Variants in SLC9A2 observed in about 807,000 individuals in gnomAD.
SLC9A2 encodes the protein sodium/hydrogen exchanger 2.
SLC9A2 carries 42 observed loss-of-function variants against 71.7 expected under a neutral mutation model. The observed-to-expected ratio is 0.59, with a 90% CI of 0.46 to 0.76. The LOEUF (loss-of-function observed/expected upper bound fraction) is 0.76. Ranked by LOEUF, SLC9A2 falls within the 30% of genes least tolerant of loss-of-function variation. The pLI is 0.00. For synonymous variants in SLC9A2, 396 were observed against 392.5 expected (o/e 1.01, Z -0.10); for missense variants, 829 against 1,017.4 (o/e 0.81, Z 2.52).
chr2:102,645,594 AAAG>A (rs137856815), intron 1 of SLC9A2, among the ~76,000 whole-genome samples: 11,058 of 152,128 alleles, frequency 0.073, 559 homozygotes, highest in Middle Eastern at 0.14. Flanking sequence ...TAACCAGTTT[AAAG>A]AAGAACATAA....
chr2:102,704,715 A>G lies in SLC9A2; in HGVS notation c.1977+40A>G, dbSNP rs747735700. On this transcript the variant is annotated intron_variant, in intron 10 of 11. Coordinates refer to ENST00000233969, the MANE Select transcript of SLC9A2 (RefSeq NM_003048.6). ...GCCTCTAGGAGACTTCCAGGGGTGG[A>G]GCCGACAGCTATTCCATTGATCAGC... The G allele has an allele frequency of 1.3e-5, 21 of 1,592,728 alleles. No homozygotes were observed. In the South Asian group the frequency reaches 2.2e-4, roughly 17 times the overall value.
At chr2:102,623,997 G>A (rs774027829) in intron 1 of SLC9A2, among the ~76,000 whole-genome samples, 2 of 152,092 alleles carry the variant, frequency 1.3e-5, no homozygotes, top group African/African-American at 2.4e-5. Context: ...TTTTGGCAAA[G>A]CATTGAATGA....
At chr2:102,639,769 T>C (rs902555039) in intron 1 of SLC9A2, among the ~76,000 whole-genome samples, 3 of 152,200 alleles carry the variant, frequency 2.0e-5, no homozygotes, top group Non-Finnish European at 4.4e-5. Flanking sequence ...AATTTGTCCA[T>C]TCTAGGTACC....
At chr2:102,622,754 T>G (rs990281219) in intron 1 of SLC9A2, among the ~76,000 whole-genome samples, 5 of 152,208 alleles carry the variant, frequency 3.3e-5, no homozygotes, top group Admixed American at 2.6e-4. Flanking sequence ...CCATCCATAC[T>G]ATCATCATTA....
chr2:102,706,944 A>G (rs770470159), intron 11 of SLC9A2, among the ~76,000 whole-genome samples: 3 of 152,260 alleles, frequency 2.0e-5, no homozygotes, highest in Admixed American at 2.0e-4. Flanking sequence ...GAACTATATT[A>G]GGATTTCATG....
chr2:102,642,171 G>T (rs963874351), intron 1 of SLC9A2, among the ~76,000 whole-genome samples: 1 of 152,106 alleles, frequency 6.6e-6, no homozygotes, highest in Non-Finnish European at 1.5e-5. Context: ...CATAATGTAC[G>T]TGGTTTCCAC....
intron 10 of SLC9A2, among the ~76,000 whole-genome samples, 169 bp downstream of exon 10, chr2:102,704,844 T>C (rs1677943778): frequency 6.6e-6 from 1 of 152,146 alleles, no homozygotes; most frequent in Non-Finnish European, 1.5e-5. Flanking sequence ...ACAGGTATTG[T>C]GGCCAGCATT....
chr2:102,689,957 A>G (rs963679922), intron 5 of SLC9A2, among the ~76,000 whole-genome samples: 1 of 152,168 alleles, frequency 6.6e-6, no homozygotes, highest in African/African-American at 2.4e-5. Context: ...ATATACACAC[A>G]TATATATGAG....
chr2:102,670,586 C>T (rs1317322408), intron 3 of SLC9A2, among the ~76,000 whole-genome samples: 3 of 132,244 alleles, frequency 2.3e-5, no homozygotes, highest in Non-Finnish European at 4.7e-5. Flanking sequence ...TGTGCAATAT[C>T]CCCTCCCCCC....
intron 3 of SLC9A2, among the ~76,000 whole-genome samples, chr2:102,669,253 T>C (rs1469848958): frequency 6.6e-6 from 1 of 152,184 alleles, no homozygotes; most frequent in Non-Finnish European, 1.5e-5. Flanking sequence ...TGGTTTCCCC[T>C]TTGTGGCCCT....
intron 1 of SLC9A2, among the ~76,000 whole-genome samples, 178 bp downstream of exon 1, chr2:102,620,315 G>C: frequency 6.6e-6 from 1 of 152,196 alleles, no homozygotes; most frequent in East Asian, 1.9e-4. Flanking sequence ...GCAGTTTCGC[G>C]TTTTGGTTCT....
intron 5 of SLC9A2, among the ~76,000 whole-genome samples, chr2:102,690,866 C>T (rs1405698556): frequency 6.6e-6 from 1 of 151,610 alleles, no homozygotes; most frequent in Non-Finnish European, 1.5e-5. Flanking sequence ...CTGGAAATTA[C>T]CTGATAATCA....
At chr2:102,680,752 G>C (rs1031209321) in intron 3 of SLC9A2, among the ~76,000 whole-genome samples, 2 of 152,174 alleles carry the variant, frequency 1.3e-5, no homozygotes, top group Non-Finnish European at 2.9e-5. Context: ...TTGTGGATGT[G>C]ATTAGGTGAA....
intron 1 of SLC9A2, among the ~76,000 whole-genome samples, chr2:102,638,547 C>T (rs186830388): frequency 3.9e-5 from 6 of 152,310 alleles, no homozygotes; most frequent in South Asian, 4.1e-4. Context: ...ATGAGTTCAT[C>T]GTCTGTGAAA....
chr2:102,624,583 T>G (rs1676208763), intron 1 of SLC9A2, among the ~76,000 whole-genome samples: 1 of 152,214 alleles, frequency 6.6e-6, no homozygotes, highest in East Asian at 1.9e-4. Flanking sequence ...CCTTGCTGTG[T>G]AAAGTAACAG....
intron 7 of SLC9A2, 35 bp downstream of exon 7, chr2:102,695,148 G>T (rs572863668): frequency 7.6e-6 from 11 of 1,450,166 alleles, no homozygotes; most frequent in Non-Finnish European, 1.1e-5. Context: ...TTATGAAGTG[G>T]CCCAGGGTCA....
chr2:102,628,762 C>T (rs1043074669), intron 1 of SLC9A2, among the ~76,000 whole-genome samples: 4 of 151,940 alleles, frequency 2.6e-5, no homozygotes, highest in Admixed American at 6.6e-5. Context: ...TTGCCTTGGC[C>T]GCTCTCAAAC....
intron 6 of SLC9A2, among the ~76,000 whole-genome samples, 175 bp downstream of exon 6, chr2:102,694,678 G>A (rs1209991759): frequency 1.3e-5 from 2 of 152,116 alleles, no homozygotes; most frequent in Non-Finnish European, 2.9e-5. Context: ...ATGGCCCCAC[G>A]GTAACTTCTC....
rs1486632999 is a variant in SLC9A2 at position 102,708,328 on chromosome 2, T to G, written c.2278T>G (p.Ser760Ala). 1.2e-6 allele frequency: 2 copies of G among 1,614,078 alleles called. No homozygotes were observed. Among genetic ancestry groups the G allele is most frequent in the Non-Finnish European group, 8.5e-7 (1 of 1,180,014 alleles). ...CAGCAGAGAAAAGGGCACCCAGACG[T>G]CAGGCTTACTACAGCAGCCCCTTCT... is the stretch of plus-strand genomic sequence containing the variant. ...PHSREKGTQT[S>A]GLLQQPLLSK... is the part of the protein sequence containing the mutation. Residue 760 changes from serine (S) to alanine (A), a missense_variant, in exon 12 of 12, where the codon TCA (serine) becomes GCA (alanine). Around this residue, in one of 3 missense-constraint regions of SLC9A2, gnomAD observed 223 missense variants for 197.5 expected, o/e 1.13. Coordinates refer to ENST00000233969, the MANE Select transcript of SLC9A2 (RefSeq NM_003048.6).
Sources: allele counts gnomAD v4.1 joint callset (sites outside exome capture counted in the v4.1 genomes callset), GRCh38; gene constraint gnomAD v4.1.1; regional missense constraint gnomAD v4.1.1; transcripts MANE v1.5; gene names NCBI Gene and HGNC (gene_info 2026-07-23, HGNC 2026-07-21).